WWOX: variants seen among roughly 807,000 people sequenced by gnomAD.
WWOX encodes WW domain containing oxidoreductase, also known as WW domain-containing oxidoreductase.
WWOX carries 69 observed loss-of-function variants against 46.2 expected under a neutral mutation model. The ratio of observed to expected loss-of-function variants is 1.49; its 90% confidence interval spans 1.23 to 1.82. WWOX has a LOEUF of 1.82. WWOX is among the 40% of genes most tolerant of loss of function. The pLI is 0.00. For synonymous variants in WWOX, 359 were observed against 202.6 expected (o/e 1.77, Z -6.56); for missense variants, 919 against 542.6 (o/e 1.69, Z -6.89).
At chr16:79,009,494 C>G (rs796468693) in intron 8 of WWOX, among the ~76,000 whole-genome samples, 80 of 151,742 alleles carry the variant, frequency 5.3e-4, no homozygotes, top group African/African-American at 1.9e-3. Context: ...TTTAGATGGA[C>G]TTTCGCTGTG....
intron 8 of WWOX, among the ~76,000 whole-genome samples, chr16:78,972,581 A>T (rs4887996): frequency 0.042 from 6,343 of 152,012 alleles, 245 homozygotes; most frequent in East Asian, 0.23. Context: ...AGGTGTGTAA[A>T]TGTTCCATTT....
At chr16:78,700,014 G>A (rs1110556) in intron 8 of WWOX, among the ~76,000 whole-genome samples, 93,742 of 151,622 alleles carry the variant, frequency 0.62, 30,480 homozygotes, top group African/African-American at 0.84. Flanking sequence ...AGGGTCCTGC[G>A]GTGGGTGGAT....
chr16:78,181,835 A>T (rs113450816), intron 5 of WWOX, among the ~76,000 whole-genome samples: 1 of 151,964 alleles, frequency 6.6e-6, no homozygotes, highest in Middle Eastern at 3.2e-3. Flanking sequence ...TTTTTTAGAG[A>T]TAGTATATAT....
At chr16:78,591,760 C>G (rs1296915003) in intron 8 of WWOX, among the ~76,000 whole-genome samples, 1 of 152,172 alleles carries the variant, frequency 6.6e-6, no homozygotes, top group Admixed American at 6.5e-5. Context: ...GGAGGCTGGA[C>G]TGCTTCACTG....
chr16:79,119,895 T>A, intron 8 of WWOX, among the ~76,000 whole-genome samples: 1 of 152,268 alleles, frequency 6.6e-6, no homozygotes, highest in East Asian at 1.9e-4. Flanking sequence ...GGAGAGAGTT[T>A]AGTGGCAGTG....
intron 5 of WWOX, among the ~76,000 whole-genome samples, chr16:78,244,985 A>G (rs2037771741): frequency 6.6e-6 from 1 of 152,194 alleles, no homozygotes; most frequent in South Asian, 2.1e-4. Flanking sequence ...TTCTTACAGT[A>G]GTTTCAAATG....
chr16:78,519,695 G>T (rs1249316211), intron 8 of WWOX, among the ~76,000 whole-genome samples: 4 of 151,942 alleles, frequency 2.6e-5, no homozygotes, highest in African/African-American at 7.3e-5. Context: ...AATGGGTTTA[G>T]TGCCTTTATA....
rs113432295 is a variant in WWOX, at chr16:79,141,901, G to T, written c.1057-69707G>T. Among the ~76,000 whole-genome samples the T allele has an allele frequency of 6.3e-3, 962 of 152,194 alleles. 9 individuals carry two copies. The highest frequency in any genetic ancestry group is 0.022 in the African/African-American group (905 of 41,538). On this transcript the variant is annotated intron_variant, in intron 8 of 8. Coordinates refer to ENST00000566780, the MANE Select transcript of WWOX (RefSeq NM_016373.4). ...GCCCGTCTAACAGGGCGGGCCAGAA[G>T]GAAGCAGTGTCCGTTAGTATGACTC... is the stretch of plus-strand genomic sequence containing the variant.
intron 8 of WWOX, chr16:79,203,163 T>C (rs2051397850): frequency 6.6e-6 from 1 of 152,204 alleles, no homozygotes; most frequent in Non-Finnish European, 1.5e-5. Context: ...CATCGACCAC[T>C]GTGAAGAGAT....
At chr16:78,628,494 C>G (rs536681486) in intron 8 of WWOX, among the ~76,000 whole-genome samples, 53 of 152,294 alleles carry the variant, frequency 3.5e-4, no homozygotes, top group African/African-American at 1.3e-3. Flanking sequence ...AAAGTACCCA[C>G]CTAACAGACT....
At chr16:78,796,899 C>T (rs1032354896) in intron 8 of WWOX, among the ~76,000 whole-genome samples, 8 of 150,794 alleles carry the variant, frequency 5.3e-5, no homozygotes, top group African/African-American at 1.2e-4. Context: ...GATCTCGGCT[C>T]ACTGCAAATT....
At chr16:78,116,005 T>C (rs57954140) in intron 4 of WWOX, among the ~76,000 whole-genome samples, 5 of 152,168 alleles carry the variant, frequency 3.3e-5, no homozygotes, top group African/African-American at 1.2e-4. Flanking sequence ...ATTTTGTTTT[T>C]ATTTTTATTT....
chr16:79,188,620 T>G (rs147877888), intron 8 of WWOX, among the ~76,000 whole-genome samples: 30 of 152,364 alleles, frequency 2.0e-4, no homozygotes, highest in African/African-American at 6.5e-4. Flanking sequence ...ATTCATTTCT[T>G]CTGAGCCATC....
chr16:78,971,891 G>A (rs1015614997), intron 8 of WWOX, among the ~76,000 whole-genome samples: 6 of 152,120 alleles, frequency 3.9e-5, no homozygotes, highest in Admixed American at 3.3e-4. Context: ...CAGCAGAATC[G>A]GGATATTAGT....
At chr16:78,364,054 C>T (rs2081475539) in intron 5 of WWOX, among the ~76,000 whole-genome samples, 1 of 152,208 alleles carries the variant, frequency 6.6e-6, no homozygotes, top group Admixed American at 6.5e-5. Flanking sequence ...TCCCCCCACT[C>T]AGTCTTGTTT....
chr16:79,058,647 A>G (rs1175500487), intron 8 of WWOX, among the ~76,000 whole-genome samples: 3 of 152,212 alleles, frequency 2.0e-5, no homozygotes, highest in Admixed American at 6.5e-5. Context: ...TTCCTTGGAT[A>G]TGTGATTTAT....
intron 8 of WWOX, among the ~76,000 whole-genome samples, chr16:78,934,942 A>G (rs1233182530): frequency 2.6e-5 from 4 of 152,222 alleles, no homozygotes; most frequent in Non-Finnish European, 2.9e-5. Context: ...TCTACAAAGA[A>G]TACAAACATT....
rs143578388 is a variant in WWOX at position 78,738,157 on chromosome 16, G to T, written c.1056+305405G>T. ...GTAAAGTGACATTTTTTAAGCCCTT[G>T]TGTGTGTCCGACTCATAAAAGTTCA... On this transcript the variant is annotated intron_variant, in intron 8 of 8. Transcript: ENST00000566780. 3.3e-5 allele frequency among the ~76,000 whole-genome samples: 5 copies of T among 152,236 alleles called. No homozygotes were observed. In the South Asian group the frequency reaches 8.3e-4, roughly 25 times the overall value.
At chr16:78,685,100 C>T (rs1386328800) in intron 8 of WWOX, among the ~76,000 whole-genome samples, 1 of 152,142 alleles carries the variant, frequency 6.6e-6, no homozygotes, top group African/African-American at 2.4e-5. Context: ...TTTCAGTCTA[C>T]TGGTATCTCC....
Sources: allele counts gnomAD v4.1 joint callset (sites outside exome capture counted in the v4.1 genomes callset), GRCh38; gene constraint gnomAD v4.1.1; transcripts MANE v1.5; gene names NCBI Gene and HGNC (gene_info 2026-07-23, HGNC 2026-07-21).